RASA3: variants seen among roughly 807,000 people sequenced by gnomAD.
RASA3 encodes the protein ras GTPase-activating protein 3.
RASA3 carries 73 observed loss-of-function variants against 110.0 expected under a neutral mutation model. The ratio of observed to expected loss-of-function variants is 0.66; its 90% CI spans 0.55 to 0.81. RASA3 has a LOEUF of 0.81. Ranked by LOEUF, RASA3 falls within the 30% of genes least tolerant of loss-of-function variation. The pLI is 0.00. For synonymous variants in RASA3, 500 were observed against 451.4 expected (o/e 1.11, Z -1.37); for missense variants, 976 against 1,113.2 (o/e 0.88, Z 1.75).
chr13:114,125,302 G>C (rs561086788), intron 1 of RASA3, among the ~76,000 whole-genome samples: 2 of 152,148 alleles, frequency 1.3e-5, no homozygotes, highest in Non-Finnish European at 2.9e-5. Flanking sequence ...CAAAATAAAC[G>C]AGGTTTATTG....
intron 1 of RASA3, among the ~76,000 whole-genome samples, chr13:114,097,973 C>A (rs1167715145): frequency 6.6e-6 from 1 of 152,192 alleles, no homozygotes; most frequent in Non-Finnish European, 1.5e-5. Context: ...GAGTGGATAC[C>A]CCTGGGAACA....
At chr13:113,992,314 C>T (rs1012488132) in intron 22 of RASA3, among the ~76,000 whole-genome samples, 171 bp downstream of exon 22, 3 of 152,224 alleles carry the variant, frequency 2.0e-5, no homozygotes, top group African/African-American at 7.2e-5. Flanking sequence ...AGATAGCTGC[C>T]TACCCTGCAA....
At chr13:114,068,368 C>T (rs1566546899) in intron 2 of RASA3, among the ~76,000 whole-genome samples, 3 of 152,224 alleles carry the variant, frequency 2.0e-5, no homozygotes, top group Admixed American at 1.3e-4. Flanking sequence ...AGGTCAGCCA[C>T]GTGGGCGCAG....
In RASA3 at chr13:114,057,198, CT is replaced by C. The variant is rs1180012028; in HGVS notation, c.174-5044del. 1.0e-6 allele frequency: 1 copy of C among 984,194 alleles called. No individual in the cohort carries two copies. Among genetic ancestry groups the C allele is most frequent in the Non-Finnish European group, 1.2e-6 (1 of 828,942 alleles). The allele number at this position is 984,194 out of a possible 1,614,324, so 61.0% of individuals were successfully genotyped here. On this transcript the variant is annotated intron_variant, in intron 2 of 23. Transcript: ENST00000334062. This position sits in a 1 kb window ranked among gnomAD's most constrained non-coding sequence, Gnocchi z 5.0. ...ATGTTTTTCTTCTTATTTCATATAACTTTTTAAACTTAAAGTAATAAAGTTA... is the reference window on the plus strand; with the variant it reads ...ATGTTTTTCTTCTTATTTCATATAACTTTTAAACTTAAAGTAATAAAGTTA...
At chr13:114,070,314 A>T (rs897996223) in intron 2 of RASA3, among the ~76,000 whole-genome samples, 8 of 151,720 alleles carry the variant, frequency 5.3e-5, no homozygotes, top group African/African-American at 1.9e-4. Context: ...CCAGGACTAA[A>T]CTCCCCAGCA....
At position 114,015,241 on chromosome 13, in the gene RASA3, GAGA is replaced by G. The variant is rs767949177; in HGVS notation, c.1370_1372del (p.Phe457del). 52 of 1,613,058 alleles carry G rather than the reference GAGA, an allele frequency of 3.2e-5. No individual in the cohort carries two copies. The highest frequency in any genetic ancestry group is 4.5e-5 in the East Asian group (2 of 44,902). ...GCGCTTGGCCGCCGCCTCCCGGAGG[GAGA>G]AGAAGATGTCACACATGACGGTCGG... is the stretch of plus-strand genomic sequence containing the variant. On this transcript the variant is annotated inframe_deletion, in exon 14 of 24. Transcript: ENST00000334062.
chr13:114,094,252 A>G (rs947343502), intron 1 of RASA3, among the ~76,000 whole-genome samples: 2 of 152,240 alleles, frequency 1.3e-5, no homozygotes, highest in Non-Finnish European at 2.9e-5. Flanking sequence ...ACATAGCATT[A>G]CCATATGATC....
At chr13:114,078,121 G>T in intron 1 of RASA3, 1 of 562,830 alleles carries the variant, frequency 1.8e-6, no homozygotes, top group Non-Finnish European at 2.3e-6. Flanking sequence ...CTGCAGCACG[G>T]CCTGGCCACG....
Position 113,981,651 on chromosome 13 carries a change from G to A in RASA3, c.2429+24C>T, listed in dbSNP as rs762475656. On this transcript the variant is annotated intron_variant, in intron 23 of 23. Coordinates refer to ENST00000334062, the MANE Select transcript of RASA3 (RefSeq NM_007368.4). ...CCCGCCCACTACACTGGCCGTCCAG[G>A]GCAGGCACGGGAGTGGCACTCACTG... 12 of 1,611,728 alleles carry A rather than the reference G, an allele frequency of 7.4e-6. No homozygotes were observed. The East Asian group carries it at 1.1e-4, about 15-fold the overall frequency.
chr13:114,009,568 T>C (rs1315031495), intron 16 of RASA3, 104 bp from the exon 17 acceptor site: 2 of 788,718 alleles, frequency 2.5e-6, no homozygotes, highest in Non-Finnish European at 2.1e-6. Flanking sequence ...TAAATGACGA[T>C]AAACAGGCAA....
At chr13:114,097,970 T>TGGGAACAAAGGTGGG (rs2079967747) in intron 1 of RASA3, among the ~76,000 whole-genome samples, 1 of 152,048 alleles carries the variant, frequency 6.6e-6, no homozygotes, top group African/African-American at 2.4e-5. Context: ...AGAGAGTGGA[T>TGGGAACAAAGGTGGG]ACCCCTGGGA....
rs527431550 is a variant in RASA3 at position 114,081,729 on chromosome 13, C to T, written c.56-7892G>A. On this transcript the variant is annotated intron_variant, in intron 1 of 23. Coordinates refer to ENST00000334062, the MANE Select transcript of RASA3 (RefSeq NM_007368.4). ...GGGTTCAAAACCGAAGTTTCACTGGCGGCTGAAAACACCCAGGGAATAACG... is the reference window on the plus strand; with the variant it reads ...GGGTTCAAAACCGAAGTTTCACTGGTGGCTGAAAACACCCAGGGAATAACG... 8.5e-5 allele frequency among the ~76,000 whole-genome samples: 13 copies of T among 152,256 alleles called. 1 individual carries two copies. The highest frequency in any genetic ancestry group is 2.6e-4 in the African/African-American group (11 of 41,538).
chr13:114,042,458 G>A (rs913979020), intron 3 of RASA3, among the ~76,000 whole-genome samples: 2 of 152,266 alleles, frequency 1.3e-5, no homozygotes, highest in African/African-American at 4.8e-5. Flanking sequence ...GACTCCTCAC[G>A]TCTTCGTTCT....
At chr13:114,034,134 G>T (rs1363386952) in intron 4 of RASA3, among the ~76,000 whole-genome samples, 1 of 152,056 alleles carries the variant, frequency 6.6e-6, no homozygotes, top group Non-Finnish European at 1.5e-5. Context: ...GGAGTGCCCT[G>T]AACACCAGCC....
chr13:114,010,799 C>CACGTGGGGAGGAGGGGGCT (rs1566473895), intron 16 of RASA3, among the ~76,000 whole-genome samples: 1 of 124,750 alleles, frequency 8.0e-6, no homozygotes, highest in Non-Finnish European at 1.6e-5. Context: ...AGGAGGGGGC[C>CACGTGGGGAGGAGGGGGCT]GCGAGGGGAG....
rs560953281 is a variant in RASA3 at position 114,041,642 on chromosome 13, G to A, written c.278-548C>T. ...CGCCACAAGAGACACGTGTGCACCC[G>A]TGCGAGCGACAGCCTGAAACACACG... On this transcript the variant is annotated intron_variant, in intron 3 of 23. Transcript: ENST00000334062. 3.9e-5 allele frequency among the ~76,000 whole-genome samples: 6 copies of A among 152,364 alleles called. No homozygotes were observed. The South Asian group carries it at 1.0e-3, about 26-fold the overall frequency.
At position 114,062,230 on chromosome 13, in the gene RASA3, A is replaced by T. The variant is rs189317357; in HGVS notation, c.174-10075T>A. Among the ~76,000 whole-genome samples the T allele has an allele frequency of 3.0e-3, 460 of 151,434 alleles. 7 individuals carry two copies. Among genetic ancestry groups the T allele is most frequent in the East Asian group, 0.027 (140 of 5,162 alleles). On this transcript the variant is annotated intron_variant, in intron 2 of 23. Transcript: ENST00000334062. ...TTATGATTTTAATTTTGTTTGCTTTAAAAAAAACACATGCATAGGAAAGAA... is the reference window on the plus strand; with the variant it reads ...TTATGATTTTAATTTTGTTTGCTTTTAAAAAAACACATGCATAGGAAAGAA...
At chr13:114,120,917 ATC>A (rs2139789349) in intron 1 of RASA3, among the ~76,000 whole-genome samples, 1 of 152,306 alleles carries the variant, frequency 6.6e-6, no homozygotes, top group African/African-American at 2.4e-5. Flanking sequence ...CCAGAGTAAC[ATC>A]TGTCTCATTT....
At chr13:114,046,134 A>G (rs2079049251) in intron 3 of RASA3, among the ~76,000 whole-genome samples, 1 of 152,250 alleles carries the variant, frequency 6.6e-6, no homozygotes, top group Non-Finnish European at 1.5e-5. Context: ...TTTAAGAACA[A>G]ATTTGATGAT....
Sources: gnomAD v4.1 joint callset for allele counts (sites outside exome capture counted in the v4.1 genomes callset) on GRCh38, gnomAD v4.1.1 for gene constraint, Gnocchi (gnomAD v3.1) non-coding constraint, MANE v1.5 for transcripts, NCBI Gene and HGNC (gene_info 2026-07-23, HGNC 2026-07-21) for gene names.